AMZ1: variants seen among roughly 807,000 people sequenced by gnomAD.
AMZ1 encodes archaelysin family metallopeptidase 1.
Under a neutral mutation model 29.9 loss-of-function variants are expected in AMZ1, and 39 were observed. The observed-to-expected ratio is 1.30, with a 90% CI of 1.01 to 1.70. AMZ1 has a LOEUF of 1.70. AMZ1 is among the 40% of genes most tolerant of loss of function. The pLI is 0.00. For synonymous variants in AMZ1, 458 were observed against 304.0 expected, an observed-to-expected ratio of 1.51 and a Z score of -5.27; for missense variants, 1,041 against 680.6, an observed-to-expected ratio of 1.53 and a Z score of -5.89.
intron 3 of AMZ1, among the ~76,000 whole-genome samples, chr7:2,707,458 C>G (rs561367025): frequency 2.6e-5 from 4 of 152,160 alleles, no homozygotes; most frequent in Non-Finnish European, 4.4e-5. Context: ...TGCTCTGCCC[C>G]CTTCCCTCCC....
At chr7:2,737,415 A>G (rs1260128287) in intron 4 of AMZ1, among the ~76,000 whole-genome samples, 1 of 150,876 alleles carries the variant, frequency 6.6e-6, no homozygotes, top group Non-Finnish European at 1.5e-5. Flanking sequence ...CAGCCTACAG[A>G]GTAGTTGGGA....
intron 4 of AMZ1, among the ~76,000 whole-genome samples, chr7:2,737,497 C>T (rs1790268796): frequency 1.3e-5 from 2 of 151,998 alleles, no homozygotes; most frequent in African/African-American, 2.4e-5. Flanking sequence ...CCAGGTTAAC[C>T]AGGCTGGTCT....
rs1264219250 is a variant in AMZ1 at position 2,714,161 on chromosome 7, C to T, written c.*1283C>T. On this transcript the variant is annotated 3_prime_UTR_variant, in exon 7 of 7. Coordinates refer to ENST00000683327, the MANE Select transcript of AMZ1 (RefSeq NM_001384743.1). ...ACTTCCGGTTCTGACAGCGGAATCC[C>T]TTCGGAGTGACGAGGGCGGGGTCAC... The T allele has an allele frequency of 1.3e-5, 2 of 152,286 alleles. No homozygotes were observed. Among genetic ancestry groups the T allele is most frequent in the African/African-American group, 4.8e-5 (2 of 41,428 alleles). 9.4% of individuals were successfully genotyped at this position (152,286 alleles called of 1,614,324 possible). A position where few individuals can be genotyped will look rare whatever the true frequency, so the allele number is the denominator to read the frequency against.
rs372689152 is a variant in AMZ1, at chr7:2,708,724, G to A, written c.601+8G>A. On this transcript the variant is annotated splice_region_variant and intron_variant, in intron 4 of 6. Coordinates refer to ENST00000683327, the MANE Select transcript of AMZ1 (RefSeq NM_001384743.1). ...AGTTCCTTCCAGGGCACGGTGAGCC[G>A]GGGCCCCAGCAGCTGTGCGTGGGGG... is the stretch of plus-strand genomic sequence containing the variant. 7.4e-5 allele frequency: 119 copies of A among 1,612,062 alleles called. No homozygotes were observed. Among genetic ancestry groups the A allele is most frequent in the Middle Eastern group, 1.8e-4 (1 of 5,586 alleles).
intron 1 of AMZ1, among the ~76,000 whole-genome samples, chr7:2,692,263 G>A (rs955615618): frequency 3.3e-5 from 5 of 152,146 alleles, no homozygotes; most frequent in Non-Finnish European, 5.9e-5. Flanking sequence ...GAGCTTGGCC[G>A]GGCGTGGTGG....
At chr7:2,711,174 A>C (rs996042796) in intron 6 of AMZ1, among the ~76,000 whole-genome samples, 9 of 152,310 alleles carry the variant, frequency 5.9e-5, no homozygotes, top group Middle Eastern at 6.8e-3. Context: ...GAAGAGGGCC[A>C]GGGCAAAGGC....
chr7:2,710,547 C>T (rs1218089559), intron 6 of AMZ1, among the ~76,000 whole-genome samples: 3 of 152,178 alleles, frequency 2.0e-5, no homozygotes, highest in Non-Finnish European at 2.9e-5. Flanking sequence ...TGTCAGAATC[C>T]CCTGCAGGGC....
chr7:2,707,704 T>C (rs866975033), intron 3 of AMZ1, among the ~76,000 whole-genome samples: 6 of 151,958 alleles, frequency 3.9e-5, no homozygotes, highest in Admixed American at 1.3e-4. Context: ...TCCTGCCCTT[T>C]CCAGCTTCTA....
At chr7:2,757,159 G>A (rs1476679945) in intron 4 of AMZ1, among the ~76,000 whole-genome samples, 4 of 114,570 alleles carry the variant, frequency 3.5e-5, no homozygotes, top group East Asian at 2.4e-4. Flanking sequence ...TTTTTGAGAC[G>A]GAGTCTTGCT....
intron 6 of AMZ1, among the ~76,000 whole-genome samples, chr7:2,710,219 G>A (rs1240313303): frequency 6.6e-6 from 1 of 152,230 alleles, no homozygotes; most frequent in Admixed American, 6.5e-5. Flanking sequence ...CTTGCGAGGA[G>A]GTGGGAGCTG....
intron 1 of AMZ1, among the ~76,000 whole-genome samples, chr7:2,695,129 CG>C (rs1562359828): frequency 2.0e-5 from 3 of 152,182 alleles, no homozygotes; most frequent in South Asian, 4.1e-4. Flanking sequence ...CCTCTGGCCC[CG>C]CTGCAAGACT....
upstream of AMZ1, among the ~76,000 whole-genome samples, chr7:2,687,856 C>T (rs1787143842): frequency 6.6e-6 from 1 of 151,906 alleles, no homozygotes; most frequent in African/African-American, 2.4e-5. Flanking sequence ...GGCGCTGGTT[C>T]ACCCCTCTCA....
At chr7:2,692,489 C>A (rs1353895962) in intron 1 of AMZ1, among the ~76,000 whole-genome samples, 1 of 152,182 alleles carries the variant, frequency 6.6e-6, no homozygotes, top group Non-Finnish European at 1.5e-5. Context: ...TTGCAGTGAG[C>A]CGAGATTGTG....
intron 1 of AMZ1, among the ~76,000 whole-genome samples, chr7:2,697,277 A>G (rs112917194): frequency 4.8e-4 from 72 of 150,926 alleles, no homozygotes; most frequent in African/African-American, 1.7e-3. Flanking sequence ...TTGTATTTTT[A>G]GTAGAGATGG....
At chr7:2,760,868 T>C (rs960167515), upstream of AMZ1, among the ~76,000 whole-genome samples, 1 of 152,174 alleles carries the variant, frequency 6.6e-6, no homozygotes, top group African/African-American at 2.4e-5. Flanking sequence ...GGAACAGAAG[T>C]TGTCACATCC....
upstream of AMZ1, among the ~76,000 whole-genome samples, chr7:2,687,642 C>G (rs1299660873): frequency 7.9e-5 from 12 of 152,242 alleles, no homozygotes; most frequent in Non-Finnish European, 2.9e-5. Flanking sequence ...TAGGGCAGGG[C>G]GCCCGTCCTC....
At chr7:2,725,316 C>T (rs1789574410) in intron 4 of AMZ1, among the ~76,000 whole-genome samples, 1 of 152,216 alleles carries the variant, frequency 6.6e-6, no homozygotes, top group Non-Finnish European at 1.5e-5. Context: ...AAGGGGCTGC[C>T]CTGGGCCCGC....
chr7:2,762,377 G>A (rs995344417), upstream of AMZ1: 3 of 439,424 alleles, frequency 6.8e-6, no homozygotes, highest in African/African-American at 2.0e-5. Context: ...ACGGTATGGC[G>A]GTTCCCACTT....
chr7:2,712,355 T>C lies in AMZ1; in HGVS notation c.974T>C (p.Val325Ala), dbSNP rs1478603284. 3 of 1,597,840 alleles carry C rather than the reference T, an allele frequency of 1.9e-6. No individual in the cohort carries two copies. Among genetic ancestry groups the C allele is most frequent in the Admixed American group, 1.7e-5 (1 of 58,578 alleles). ...YQRLYTWTQA[V>A]VGTWPSQEAG... ...AGACTCTACACCTGGACTCAGGCGG[T>C]GGTGGGGACGTGGCCCAGCCAGGAG... is the stretch of plus-strand genomic sequence containing the variant. Residue 325 changes from valine to alanine, a missense_variant, in exon 7 of 7, where the codon GTG becomes GCG. Physicochemically the swap from Val to Ala is moderately conservative, Grantham distance 64. Transcript: ENST00000683327.
Sources: allele counts gnomAD v4.1 joint callset (sites outside exome capture counted in the v4.1 genomes callset), GRCh38; gene constraint gnomAD v4.1.1; transcripts MANE v1.5; gene names NCBI Gene and HGNC (gene_info 2026-07-23, HGNC 2026-07-21).